The following ATRN variants were observed in gnomAD, a reference collection of about 807,000 sequenced individuals.
ATRN encodes attractin.
Under a neutral mutation model 178.7 loss-of-function variants are expected in ATRN, and 54 were observed. That is an observed-to-expected ratio of 0.30 (90% CI 0.24 to 0.38). The LOEUF (loss-of-function observed/expected upper bound fraction) is 0.38, where lower values mean the gene tolerates loss of function less well. ATRN is among the 10% of genes least tolerant of loss of function. The pLI, the probability that ATRN is intolerant of heterozygous loss-of-function variation, is 1.00. For missense variants in ATRN, 1,443 were observed against 1,815.1 expected, an observed-to-expected ratio of 0.79 and a Z score of 3.73; for synonymous variants, 636 against 663.0, an observed-to-expected ratio of 0.96 and a Z score of 0.63.
At chr20:3,533,355 A>C (rs995362271) in intron 1 of ATRN, among the ~76,000 whole-genome samples, 4 of 152,232 alleles carry the variant, frequency 2.6e-5, no homozygotes, top group Non-Finnish European at 5.9e-5. Flanking sequence ...CTACTTCTCT[A>C]GTAAAAAGAA....
At chr20:3,508,465 G>T (rs539842861) in intron 1 of ATRN, among the ~76,000 whole-genome samples, 1 of 152,182 alleles carries the variant, frequency 6.6e-6, no homozygotes, top group South Asian at 2.1e-4. Context: ...AAGCGAATGG[G>T]CATGGCTGTG....
intron 1 of ATRN, among the ~76,000 whole-genome samples, chr20:3,476,757 G>A (rs890946085): frequency 6.6e-6 from 1 of 152,232 alleles, no homozygotes; most frequent in Non-Finnish European, 1.5e-5. Context: ...CTACTCAGGA[G>A]GCTGAGGCAG....
At chr20:3,604,871 C>A (rs1452645559) in intron 24 of ATRN, among the ~76,000 whole-genome samples, 1 of 152,196 alleles carries the variant, frequency 6.6e-6, no homozygotes, top group Non-Finnish European at 1.5e-5. Context: ...TGTTAGCCTG[C>A]TCCTTTCCTC....
intron 24 of ATRN, among the ~76,000 whole-genome samples, chr20:3,606,416 A>G (rs2086677770): frequency 8.3e-6 from 1 of 119,770 alleles, no homozygotes; most frequent in African/African-American, 3.2e-5. Flanking sequence ...TAGGATTCAG[A>G]CCTGGTCCTT....
chr20:3,543,878 T>A (rs542704493), intron 3 of ATRN, among the ~76,000 whole-genome samples: 1 of 151,994 alleles, frequency 6.6e-6, no homozygotes, highest in East Asian at 1.9e-4. Context: ...ACAAAAAGTC[T>A]TAAAAATTAA....
At chr20:3,545,704 A>G (rs1228918754) in intron 3 of ATRN, 58 bp from the exon 4 acceptor site, 6 of 1,572,140 alleles carry the variant, frequency 3.8e-6, no homozygotes, top group Non-Finnish European at 5.2e-6. Flanking sequence ...TCTGTCTGCT[A>G]CAATTTGACA....
Position 3,638,959 on chromosome 20 carries a change from C to G in ATRN, c.4050+24C>G, listed in dbSNP as rs2087046189. The stretch of plus-strand genomic sequence containing the variant: ...AGGTGAGAATGTGACTCAGAAGTCC[C>G]TATAACTTGACTTTTTAAAACTTAG... On this transcript the variant is annotated intron_variant, in intron 27 of 28. Transcript: ENST00000262919. This position sits in a 1 kb window ranked among gnomAD's most constrained non-coding sequence, Gnocchi z 4.5. The G allele has an allele frequency of 2.5e-6, 4 of 1,592,228 alleles. No individual in the cohort carries two copies. The highest frequency in any genetic ancestry group is 3.4e-6 in the Non-Finnish European group (4 of 1,165,628).
At chr20:3,603,203 G>T (rs567580800) in intron 23 of ATRN, among the ~76,000 whole-genome samples, 39 of 152,234 alleles carry the variant, frequency 2.6e-4, no homozygotes, top group Admixed American at 1.7e-3. Flanking sequence ...GTAGCTGGTG[G>T]TAGAAGGGAG....
intron 1 of ATRN, among the ~76,000 whole-genome samples, chr20:3,474,280 A>G (rs6037607): frequency 0.051 from 7,782 of 152,216 alleles, 602 homozygotes; most frequent in African/African-American, 0.17. Flanking sequence ...AGCTGATTCT[A>G]GGTGATGTCA....
At chr20:3,492,168 A>AGTGTGTGTGT (rs58489496) in intron 1 of ATRN, among the ~76,000 whole-genome samples, 4,845 of 140,630 alleles carry the variant, frequency 0.034, 119 homozygotes, top group African/African-American at 0.047. Flanking sequence ...TAGATAGGGG[A>AGTGTGTGTGT]GTGTGTGTGT....
chr20:3,488,213 T>A (rs1262145146), intron 1 of ATRN, among the ~76,000 whole-genome samples: 1 of 152,216 alleles, frequency 6.6e-6, no homozygotes, highest in African/African-American at 2.4e-5. Flanking sequence ...GATTTTAACG[T>A]AGTGAAATGT....
chr20:3,612,206 C>T (rs1042072151), intron 24 of ATRN, among the ~76,000 whole-genome samples: 21 of 152,118 alleles, frequency 1.4e-4, no homozygotes, highest in Non-Finnish European at 4.4e-5. Context: ...TGTTGATATA[C>T]AGAAACACAA....
intron 2 of ATRN, among the ~76,000 whole-genome samples, chr20:3,539,190 A>T (rs1326554862): frequency 9.2e-5 from 14 of 152,246 alleles, no homozygotes; most frequent in Admixed American, 9.2e-4. Flanking sequence ...TCAGCAGGAT[A>T]TAATGATGTT....
intron 15 of ATRN, among the ~76,000 whole-genome samples, 158 bp downstream of exon 15, chr20:3,578,930 G>C (rs1490503952): frequency 6.6e-6 from 1 of 152,158 alleles, no homozygotes; most frequent in Non-Finnish European, 1.5e-5. Context: ...GGTTTGTGCT[G>C]TCAGAGTCTC....
chr20:3,536,140 A>G (rs1017385194), intron 2 of ATRN, among the ~76,000 whole-genome samples: 2 of 152,094 alleles, frequency 1.3e-5, no homozygotes, highest in African/African-American at 4.8e-5. Context: ...TACTTCTCAG[A>G]CTTTTTTGGT....
At chr20:3,576,723 A>ATCTATCTATCTATCTG (rs2086216478) in intron 13 of ATRN, 136 bp from the exon 14 acceptor site, 2 of 693,958 alleles carry the variant, frequency 2.9e-6, no homozygotes, top group African/African-American at 3.6e-5. Flanking sequence ...CTATCTATCT[A>ATCTATCTATCTATCTG]TCTATCTATC....
chr20:3,606,157 G>A (rs909341459), intron 24 of ATRN, among the ~76,000 whole-genome samples: 21 of 152,118 alleles, frequency 1.4e-4, no homozygotes, highest in Non-Finnish European at 8.8e-5. Context: ...CATCAGCCAC[G>A]CTTCTTATTC....
intron 1 of ATRN, among the ~76,000 whole-genome samples, chr20:3,528,159 A>G (rs931155348): frequency 4.6e-5 from 7 of 151,982 alleles, no homozygotes; most frequent in African/African-American, 1.7e-4. Flanking sequence ...TCACGAGATC[A>G]GGAGTTCAAA....
chr20:3,596,518 T>C, intron 21 of ATRN, 89 bp downstream of exon 21: 4 of 1,250,906 alleles, frequency 3.2e-6, no homozygotes, highest in Non-Finnish European at 3.5e-6. Flanking sequence ...GTAAGTGCTA[T>C]AAGACTATAG....
Sources: gnomAD v4.1 joint callset for allele counts (sites outside exome capture counted in the v4.1 genomes callset) on GRCh38, gnomAD v4.1.1 for gene constraint, Gnocchi (gnomAD v3.1) non-coding constraint, MANE v1.5 for transcripts, NCBI Gene and HGNC (gene_info 2026-07-23, HGNC 2026-07-21) for gene names.